NRXN2: variants seen among roughly 807,000 people sequenced by gnomAD.
NRXN2 encodes the protein neurexin-2-beta.
A neutral mutation model predicts 128.8 loss-of-function variants in NRXN2; 29 were observed. The ratio of observed to expected loss-of-function variants is 0.23; its 90% CI spans 0.17 to 0.31. The LOEUF is 0.31. NRXN2 is among the 10% of genes least tolerant of loss of function. NRXN2 has a pLI of 1.00. For missense variants in NRXN2, 1,881 were observed against 2,452.6 expected (o/e 0.77, Z 4.92); for synonymous variants, 1,098 against 1,075.2 (o/e 1.02, Z -0.41).
rs933113358 is a variant in NRXN2 at position 64,607,016 on chromosome 11, G to A, written c.*180C>T. 1.5e-6 allele frequency: 1 copy of A among 662,604 alleles called. No individual in the cohort carries two copies. The highest frequency in any genetic ancestry group is 2.5e-6 in the Non-Finnish European group (1 of 396,636). 41.0% of individuals were successfully genotyped at this position (662,604 alleles called of 1,614,324 possible). A position where few individuals can be genotyped will look rare whatever the true frequency, so the allele number is the denominator to read the frequency against. ...GGACTGACGAGGCCGCGCAGTGGACGGCAGGAGGAAGGGGGCGAGCACGGG... is the reference window on the plus strand; with the variant it reads ...GGACTGACGAGGCCGCGCAGTGGACAGCAGGAGGAAGGGGGCGAGCACGGG... On this transcript the variant is annotated 3_prime_UTR_variant, in exon 23 of 23. Transcript: ENST00000265459.
chr11:64,648,768 C>G lies in NRXN2; in HGVS notation c.3249G>C (p.Leu1083=). Reference sequence around the variant, plus strand: ...CCCTCTCCACCTGCCCAATGCGGTGCAGGGCGTCGGCGATGAGGTCTGGGA... The same window carrying G: ...CCCTCTCCACCTGCCCAATGCGGTGGAGGGCGTCGGCGATGAGGTCTGGGA... ...GRLPDLIADA[L]HRIGQVERGC... is the part of the protein sequence containing the mutation. The change falls in exon 16 of 23, where the codon CTG becomes CTC. Residue 1083 remains leucine (L), a synonymous_variant. Transcript: ENST00000265459. The surrounding 1 kb of genome is among the most constrained non-coding windows in gnomAD (Gnocchi z 4.1). 1 of 1,614,152 alleles carries G rather than the reference C, an allele frequency of 6.2e-7. No individual in the cohort carries two copies. The highest frequency in any genetic ancestry group is 8.5e-7 in the Non-Finnish European group (1 of 1,180,022).
rs919201755 is a variant in NRXN2 at position 64,666,453 on chromosome 11, C to T, written c.1798+797G>A. ...CTGACCTCAAATGATCCACCCACTT[C>T]GGCCTCCCAAAGTGCTGGAATTACA... On this transcript the variant is annotated intron_variant, in intron 9 of 22. Transcript: ENST00000265459. 3.9e-5 allele frequency among the ~76,000 whole-genome samples: 6 copies of T among 152,206 alleles called. No homozygotes were observed. In the South Asian group the frequency reaches 6.2e-4, roughly 16 times the overall value.
chr11:64,682,222 T>C (rs182493644), intron 6 of NRXN2, among the ~76,000 whole-genome samples: 1 of 150,592 alleles, frequency 6.6e-6, no homozygotes, highest in East Asian at 2.0e-4. Context: ...ACTCTGCCCC[T>C]GGGGCAGTCC....
intron 9 of NRXN2, among the ~76,000 whole-genome samples, chr11:64,664,989 CAA>C (rs1164012867): frequency 1.1e-5 from 1 of 93,306 alleles, no homozygotes; most frequent in Non-Finnish European, 2.1e-5. Context: ...GACTTCGTCT[CAA>C]AAAAAAAAAG....
At chr11:64,619,238 C>A (rs1324116954) in intron 22 of NRXN2, among the ~76,000 whole-genome samples, 1 of 152,062 alleles carries the variant, frequency 6.6e-6, no homozygotes, top group Non-Finnish European at 1.5e-5. Flanking sequence ...GCAGCCCAAG[C>A]GAGAAACGTG....
At chr11:64,691,015 T>C (rs1469581428) in intron 4 of NRXN2, among the ~76,000 whole-genome samples, 1 of 152,178 alleles carries the variant, frequency 6.6e-6, no homozygotes, top group Non-Finnish European at 1.5e-5. Context: ...TCCTCTTCTG[T>C]TCTTTCCTGT....
At chr11:64,721,181 G>A (rs377500892) in intron 1 of NRXN2, among the ~76,000 whole-genome samples, 10 of 151,792 alleles carry the variant, frequency 6.6e-5, no homozygotes, top group Non-Finnish European at 1.2e-4. Flanking sequence ...GGGTGCCACC[G>A]AGCGCGTGTA....
intron 6 of NRXN2, among the ~76,000 whole-genome samples, chr11:64,685,399 T>C (rs1201374137): frequency 6.6e-6 from 1 of 152,116 alleles, no homozygotes; most frequent in Non-Finnish European, 1.5e-5. Flanking sequence ...GTCCTTCCCC[T>C]GCCCTCAGGT....
In NRXN2 at chr11:64,651,755, C is replaced by T. The variant is rs2047486022; in HGVS notation, c.2537-119G>A. The T allele has an allele frequency of 1.7e-6, 2 of 1,186,152 alleles. No homozygotes were observed. Among genetic ancestry groups the T allele is most frequent in the Non-Finnish European group, 2.4e-6 (2 of 830,634 alleles). The allele number at this position is 1,186,152 out of a possible 1,614,324, so 73.5% of individuals were successfully genotyped here. A position where few individuals can be genotyped will look rare whatever the true frequency, so the allele number is the denominator to read the frequency against. The stretch of plus-strand genomic sequence containing the variant: ...CCATGAGTGACATCTTTAGAGATGT[C>T]CTCGGCTAGGCACTAGCAGCCAGCA... On this transcript the variant is annotated intron_variant, in intron 13 of 22. Coordinates refer to ENST00000265459, the MANE Select transcript of NRXN2 (RefSeq NM_015080.4). The surrounding 1 kb of genome is among the most constrained non-coding windows in gnomAD (Gnocchi z 5.9).
rs1201801014 is a variant in NRXN2 at position 64,630,961 on chromosome 11, A to T, written c.3586-388T>A. Among the ~76,000 whole-genome samples, 5 of 152,232 alleles carry T rather than the reference A, an allele frequency of 3.3e-5. No individual in the cohort carries two copies. Among genetic ancestry groups the T allele is most frequent in the Non-Finnish European group, 5.9e-5 (4 of 68,026 alleles). On this transcript the variant is annotated intron_variant, in intron 18 of 22. Coordinates refer to ENST00000265459, the MANE Select transcript of NRXN2 (RefSeq NM_015080.4). The surrounding 1 kb of genome is among the most constrained non-coding windows in gnomAD (Gnocchi z 4.6). ...GCAGAGGCCTCTCTAAGGCAAGATC[A>T]GCAGAGAAGTCCACAGAAGCCGGCC... is the stretch of plus-strand genomic sequence containing the variant.
chr11:64,648,471 A>G lies in NRXN2; in HGVS notation c.3284-133T>C. ...GCCTGGCTGAAAGGGCCAAGTACTG[A>G]TGACAGGGATTGGGGCAGGAGGGTC... On this transcript the variant is annotated intron_variant, in intron 16 of 22. Coordinates refer to ENST00000265459, the MANE Select transcript of NRXN2 (RefSeq NM_015080.4). The surrounding 1 kb of genome is among the most constrained non-coding windows in gnomAD (Gnocchi z 4.1). The G allele has an allele frequency of 2.8e-6, 4 of 1,419,672 alleles. No homozygotes were observed. The highest frequency in any genetic ancestry group is 2.9e-6 in the Non-Finnish European group (3 of 1,021,604). 87.9% of individuals were successfully genotyped at this position (1,419,672 alleles called of 1,614,324 possible).
At chr11:64,684,300 C>T (rs2052707804) in intron 6 of NRXN2, among the ~76,000 whole-genome samples, 1 of 152,144 alleles carries the variant, frequency 6.6e-6, no homozygotes, top group South Asian at 2.1e-4. Context: ...CACAAATGCA[C>T]ATGACACACT....
intron 5 of NRXN2, among the ~76,000 whole-genome samples, chr11:64,689,154 A>G (rs188090387): frequency 6.6e-6 from 1 of 152,136 alleles, no homozygotes; most frequent in Non-Finnish European, 1.5e-5. Flanking sequence ...CCTCAACCAT[A>G]AAGCATCCCA....
intron 2 of NRXN2, among the ~76,000 whole-genome samples, chr11:64,701,894 G>A (rs2055442657): frequency 8.1e-6 from 1 of 122,790 alleles, no homozygotes; most frequent in Non-Finnish European, 1.6e-5. Context: ...CTCTGTCCGG[G>A]AGGGAGGTGG....
chr11:64,718,110 C>T (rs527570162), intron 1 of NRXN2, among the ~76,000 whole-genome samples: 1 of 152,316 alleles, frequency 6.6e-6, no homozygotes, highest in East Asian at 1.9e-4. Flanking sequence ...GCCTTCCCTT[C>T]CAGACATTTC....
chr11:64,714,999 G>A lies in NRXN2; in HGVS notation c.-244-1056C>T, dbSNP rs1261141952. 1.3e-5 allele frequency among the ~76,000 whole-genome samples: 2 copies of A among 152,022 alleles called. No homozygotes were observed. Among genetic ancestry groups the A allele is most frequent in the African/African-American group, 2.4e-5 (1 of 41,388 alleles). ...TGGGGAGAAGCCTGGGAGAGAAGCA[G>A]GGAGGGGCTAGAGTTTAGGAAGAGA... is the stretch of plus-strand genomic sequence containing the variant. On this transcript the variant is annotated intron_variant, in intron 1 of 22. Coordinates refer to ENST00000265459, the MANE Select transcript of NRXN2 (RefSeq NM_015080.4). This position sits in a 1 kb window ranked among gnomAD's most constrained non-coding sequence, Gnocchi z 4.5.
At chr11:64,705,357 T>C (rs2056121573) in intron 2 of NRXN2, among the ~76,000 whole-genome samples, 1 of 152,046 alleles carries the variant, frequency 6.6e-6, no homozygotes, top group Non-Finnish European at 1.5e-5. Context: ...ATGGAGAAAG[T>C]TATTCTCATG....
chr11:64,639,675 G>A (rs1346760044), intron 17 of NRXN2, among the ~76,000 whole-genome samples: 1 of 152,022 alleles, frequency 6.6e-6, no homozygotes, highest in African/African-American at 2.4e-5. Flanking sequence ...AGGACATTAT[G>A]TAACAGGAAG....
chr11:64,608,351 C>T (rs2040046273), intron 22 of NRXN2, among the ~76,000 whole-genome samples: 1 of 151,666 alleles, frequency 6.6e-6, no homozygotes, highest in South Asian at 2.1e-4. Context: ...TCAAAAGGAA[C>T]AGAAAGGAAA....
Sources: gnomAD v4.1 joint callset for allele counts (sites outside exome capture counted in the v4.1 genomes callset) on GRCh38, gnomAD v4.1.1 for gene constraint, Gnocchi (gnomAD v3.1) non-coding constraint, MANE v1.5 for transcripts, NCBI Gene and HGNC (gene_info 2026-07-23, HGNC 2026-07-21) for gene names.